UBE3C: variants seen among roughly 807,000 people sequenced by gnomAD.
UBE3C encodes the protein ubiquitin-protein ligase E3C.
In UBE3C, 42 loss-of-function variants were observed where a neutral mutation model predicts 129.4. That is an observed-to-expected ratio of 0.32 (90% CI 0.25 to 0.42). The LOEUF is 0.42. Among genes scored for constraint, UBE3C ranks in the 10% least tolerant of loss-of-function variants. The pLI, the probability that UBE3C is intolerant of heterozygous loss-of-function variation, is 1.00. For synonymous variants in UBE3C, 510 were observed against 492.4 expected (o/e 1.04, Z -0.47); for missense variants, 1,049 against 1,319.1 (o/e 0.80, Z 3.17).
At chr7:157,231,472 C>A in intron 18 of UBE3C, 145 bp downstream of exon 18, 1 of 1,237,156 alleles carries the variant, frequency 8.1e-7, no homozygotes, top group Non-Finnish European at 1.1e-6. Flanking sequence ...CTGCACGAAA[C>A]AAATTTGTAT....
chr7:157,157,681 A>G (rs556268563), intron 1 of UBE3C, among the ~76,000 whole-genome samples: 1 of 152,340 alleles, frequency 6.6e-6, no homozygotes, highest in East Asian at 1.9e-4. Context: ...GACCATTAAA[A>G]TATAACATGG....
At chr7:157,241,530 C>T (rs532086089) in intron 18 of UBE3C, among the ~76,000 whole-genome samples, 1 of 152,330 alleles carries the variant, frequency 6.6e-6, no homozygotes, top group East Asian at 1.9e-4. Context: ...CGCACACCCG[C>T]GAGTACGGCG....
At chr7:157,153,019 A>T (rs1807801021) in intron 1 of UBE3C, among the ~76,000 whole-genome samples, 2 of 152,068 alleles carry the variant, frequency 1.3e-5, no homozygotes, top group South Asian at 4.1e-4. Context: ...AACATGGCGA[A>T]ACCCTGTCTC....
At chr7:157,149,219 G>A (rs1166165948) in intron 1 of UBE3C, among the ~76,000 whole-genome samples, 1 of 152,064 alleles carries the variant, frequency 6.6e-6, no homozygotes, top group African/African-American at 2.4e-5. Context: ...ACCACACCCA[G>A]CTAATTTTTC....
At chr7:157,184,529 T>C (rs1563045794) in intron 9 of UBE3C, among the ~76,000 whole-genome samples, 1 of 152,238 alleles carries the variant, frequency 6.6e-6, no homozygotes. Context: ...TATACATGCA[T>C]ACATAATTTG....
rs551583602 is a variant in UBE3C at position 157,262,664 on chromosome 7, A to T, written c.3082-4921A>T. 7.2e-5 allele frequency among the ~76,000 whole-genome samples: 11 copies of T among 152,028 alleles called. 1 individual carries two copies. The South Asian group carries it at 2.3e-3, about 32-fold the overall frequency. On this transcript the variant is annotated intron_variant, in intron 22 of 22. Coordinates refer to ENST00000348165, the MANE Select transcript of UBE3C (RefSeq NM_014671.3). Reference sequence around the variant, plus strand: ...TCGAACTCCTGACCTCCGGTGATCCACCCACCTCAGCCTCCCAAAGTGCTG... The same window carrying T: ...TCGAACTCCTGACCTCCGGTGATCCTCCCACCTCAGCCTCCCAAAGTGCTG...
At chr7:157,162,865 C>G (rs1225638899) in intron 1 of UBE3C, among the ~76,000 whole-genome samples, 1 of 152,114 alleles carries the variant, frequency 6.6e-6, no homozygotes, top group Non-Finnish European at 1.5e-5. Context: ...ATAAAATGTC[C>G]ATACACTAAA....
chr7:157,176,508 C>T (rs1041793309), intron 5 of UBE3C, among the ~76,000 whole-genome samples: 3 of 152,236 alleles, frequency 2.0e-5, no homozygotes, highest in Non-Finnish European at 4.4e-5. Flanking sequence ...CTCCTGACCT[C>T]AGGTCATCCG....
chr7:157,166,300 T>A (rs1214810913), intron 2 of UBE3C, among the ~76,000 whole-genome samples: 3 of 152,232 alleles, frequency 2.0e-5, no homozygotes, highest in Admixed American at 1.3e-4. Context: ...TGTATTTCTT[T>A]AAATGAATTC....
intron 10 of UBE3C, among the ~76,000 whole-genome samples, chr7:157,191,955 A>G (rs1345811866): frequency 6.6e-6 from 1 of 152,226 alleles, no homozygotes; most frequent in African/African-American, 2.4e-5. Context: ...TTAATAAGCT[A>G]TTGATTCATG....
chr7:157,194,725 A>G (rs770455400), intron 10 of UBE3C, among the ~76,000 whole-genome samples: 1 of 152,232 alleles, frequency 6.6e-6, no homozygotes, highest in Non-Finnish European at 1.5e-5. Context: ...AATGAGGAAT[A>G]TGTTATTGGA....
chr7:157,144,144 G>A (rs1011864315), intron 1 of UBE3C, among the ~76,000 whole-genome samples: 1 of 152,172 alleles, frequency 6.6e-6, no homozygotes, highest in African/African-American at 2.4e-5. Flanking sequence ...AAACAGGGCC[G>A]AACACAGGCC....
At chr7:157,265,430 C>T (rs554189595) in intron 22 of UBE3C, among the ~76,000 whole-genome samples, 18 of 152,280 alleles carry the variant, frequency 1.2e-4, no homozygotes, top group South Asian at 8.3e-4. Context: ...ATCAGAGGAC[C>T]GACACGCCCA....
intron 2 of UBE3C, chr7:157,164,377 A>T (rs975296093): frequency 2.2e-6 from 1 of 456,652 alleles, no homozygotes; most frequent in Non-Finnish European, 4.4e-6. Context: ...GGCTGATTTC[A>T]AACTATGGCC....
At chr7:157,190,135 T>A (rs991096287) in intron 10 of UBE3C, among the ~76,000 whole-genome samples, 1 of 152,158 alleles carries the variant, frequency 6.6e-6, no homozygotes, top group South Asian at 2.1e-4. Flanking sequence ...CTCTGGGTAA[T>A]CTCTTTCATA....
intron 19 of UBE3C, among the ~76,000 whole-genome samples, 176 bp from the exon 20 acceptor site, chr7:157,253,778 G>A (rs1166541703): frequency 2.0e-5 from 3 of 152,156 alleles, no homozygotes; most frequent in Admixed American, 6.5e-5. Flanking sequence ...GACTCTTCCT[G>A]GAGGTGCATC....
chr7:157,177,437 G>A (rs1055220996), intron 5 of UBE3C, among the ~76,000 whole-genome samples: 2 of 152,330 alleles, frequency 1.3e-5, no homozygotes, highest in Non-Finnish European at 2.9e-5. Context: ...ACGAGGCACC[G>A]TTCCAGCACT....
chr7:157,144,924 G>A (rs536308296), intron 1 of UBE3C, among the ~76,000 whole-genome samples: 8 of 152,288 alleles, frequency 5.3e-5, no homozygotes, highest in South Asian at 2.1e-4. Flanking sequence ...AGGTTTTGAC[G>A]AATATATGAT....
intron 10 of UBE3C, chr7:157,188,955 C>T (rs1270696863): frequency 8.9e-6 from 6 of 677,158 alleles, no homozygotes; most frequent in Admixed American, 8.4e-5. Context: ...TCAGGGTGTA[C>T]AAATGAATGT....
Sources: gnomAD v4.1 joint callset for allele counts (sites outside exome capture counted in the v4.1 genomes callset) on GRCh38, gnomAD v4.1.1 for gene constraint, MANE v1.5 for transcripts, NCBI Gene and HGNC (gene_info 2026-07-23, HGNC 2026-07-21) for gene names.